ALDOB: variants seen among roughly 807,000 people sequenced by gnomAD.
ALDOB encodes the protein fructose-bisphosphate aldolase B.
In ALDOB, 39 loss-of-function variants were observed where a neutral mutation model predicts 41.0. That is an observed-to-expected ratio of 0.95 (90% CI 0.74 to 1.24). The LOEUF is 1.24. Among genes scored for constraint, ALDOB ranks in the 50% most tolerant of loss-of-function variants. ALDOB has a pLI of 0.00. For synonymous variants in ALDOB, 175 were observed against 168.8 expected (o/e 1.04, Z -0.28); for missense variants, 530 against 457.3 (o/e 1.16, Z -1.45).
chr9:101,424,968 G>T lies in ALDOB; in HGVS notation c.874C>A (p.Leu292Ile). 6.2e-7 allele frequency: 1 copy of T among 1,614,254 alleles called. No individual in the cohort carries two copies. The highest frequency in any genetic ancestry group is 8.5e-7 in the Non-Finnish European group (1 of 1,180,056). ...AAACTTAGTTTCCAGGGCTTTGGTAGAGGGCAAAGGTTGATAGCATTGAGG... is the reference window on the plus strand; with the variant it reads ...AAACTTAGTTTCCAGGGCTTTGGTATAGGGCAAAGGTTGATAGCATTGAGG... Reference protein sequence around the residue: ...LNLNAINLCPLPKPWKLSFSY... With the variant: ...LNLNAINLCPIPKPWKLSFSY... Residue 292 changes from leucine to isoleucine, a missense_variant, in exon 8 of 9, where the codon CTA becomes ATA. By Grantham distance (5) the Leu-to-Ile change is conservative. Transcript: ENST00000647789.
At chr9:101,427,344 A>G in intron 5 of ALDOB, 138 bp downstream of exon 5, 5 of 1,158,018 alleles carry the variant, frequency 4.3e-6, no homozygotes, top group Non-Finnish European at 6.2e-6. Flanking sequence ...TGGCTATAGC[A>G]AAAGTTGTGA....
At chr9:101,428,544 C>T (rs1198293971) in intron 3 of ALDOB, 21 bp from the exon 4 acceptor site, 1 of 1,604,552 alleles carries the variant, frequency 6.2e-7, no homozygotes, top group Admixed American at 1.7e-5. Flanking sequence ...AAATAATTAA[C>T]AGGTGTCAGA....
intron 3 of ALDOB, 103 bp downstream of exon 3, chr9:101,429,652 A>G (rs746960395): frequency 9.2e-5 from 102 of 1,114,516 alleles, no homozygotes; most frequent in Middle Eastern, 8.4e-4. Flanking sequence ...TGAGAAGAGA[A>G]ATTTGATGAG....
At chr9:101,430,488 T>C (rs1311224892) in intron 2 of ALDOB, among the ~76,000 whole-genome samples, 1 of 152,228 alleles carries the variant, frequency 6.6e-6, no homozygotes, top group Non-Finnish European at 1.5e-5. Flanking sequence ...TAGTAGCAGA[T>C]GCCTGTGTAT....
chr9:101,424,656 G>T (rs1263657789), intron 8 of ALDOB, among the ~76,000 whole-genome samples, 187 bp downstream of exon 8: 1 of 152,130 alleles, frequency 6.6e-6, no homozygotes, highest in Non-Finnish European at 1.5e-5. Context: ...ATACTCTAGT[G>T]TGGATAATTC....
chr9:101,431,718 C>T (rs991549824), intron 1 of ALDOB, among the ~76,000 whole-genome samples: 2 of 152,210 alleles, frequency 1.3e-5, no homozygotes, highest in Admixed American at 6.5e-5. Context: ...AAAATGCAAG[C>T]TCAAAGAGCC....
Position 101,420,569 on chromosome 9 carries a change from C to T in ALDOB, c.*1240G>A, listed in dbSNP as rs1004032884. The T allele has an allele frequency of 6.6e-6, 1 of 152,114 alleles. No individual in the cohort carries two copies. The highest frequency in any genetic ancestry group is 1.5e-5 in the Non-Finnish European group (1 of 68,018). The allele number at this position is 152,114 out of a possible 1,614,324, so 9.4% of individuals were successfully genotyped here. ...GTATTATTCAAGGTAAGAAATTTAG[C>T]ATACTACCATCAATATTTTAATTTT... On this transcript the variant is annotated 3_prime_UTR_variant, in exon 9 of 9. Transcript: ENST00000647789.
chr9:101,429,735 G>A lies in ALDOB; in HGVS notation c.324+20C>T. On this transcript the variant is annotated intron_variant, in intron 3 of 8. Coordinates refer to ENST00000647789, the MANE Select transcript of ALDOB (RefSeq NM_000035.4). ...TTGCCTAGGACAAAGCAGAAGTGAG[G>A]TGTGAATGGAGGTGTTCACCTTGAT... 5 of 1,610,546 alleles carry A rather than the reference G, an allele frequency of 3.1e-6. No homozygotes were observed. The highest frequency in any genetic ancestry group is 4.2e-6 in the Non-Finnish European group (5 of 1,176,820).
At chr9:101,434,559 C>T (rs1004654329) in intron 1 of ALDOB, among the ~76,000 whole-genome samples, 3 of 152,184 alleles carry the variant, frequency 2.0e-5, no homozygotes, top group African/African-American at 7.2e-5. Context: ...CCCATGATTT[C>T]TAGGCACTGC....
chr9:101,428,503 A>T lies in ALDOB; in HGVS notation c.345T>A (p.Pro115=), dbSNP rs1292930979. 5 of 1,614,044 alleles carry T rather than the reference A, an allele frequency of 3.1e-6. No individual in the cohort carries two copies. The highest frequency in any genetic ancestry group is 4.2e-6 in the Non-Finnish European group (5 of 1,179,892). Residue 115 remains proline, a synonymous_variant, in exon 4 of 9, where the codon CCT becomes CCA. Transcript: ENST00000647789. Reference sequence around the variant, plus strand: ...TGGTTTCTTTGTTTGTTCCTGCAAGAGGAGCACCTCCTTGGTCTAACTGTG... The same window carrying T: ...TGGTTTCTTTGTTTGTTCCTGCAAGTGGAGCACCTCCTTGGTCTAACTGTG... The part of the protein sequence containing the change: ...VGIKLDQGGA[P]LAGTNKETTI...
Position 101,430,906 on chromosome 9 carries a change from G to A in ALDOB, c.-10-9C>T. On this transcript the variant is annotated splice_polypyrimidine_tract_variant and intron_variant, in intron 1 of 8. Transcript: ENST00000647789. ...GGGCCATGGTGACAGGTCTGGAAAA[G>A]AGTGTGCGAGAGTTGTGCACAGAAC... 6.3e-7 allele frequency: 1 copy of A among 1,577,314 alleles called. No individual in the cohort carries two copies. Among genetic ancestry groups the A allele is most frequent in the South Asian group, 1.1e-5 (1 of 90,300 alleles).
In ALDOB at chr9:101,428,460, T is replaced by A. The variant is rs778567515; in HGVS notation, c.379+9A>T. On this transcript the variant is annotated intron_variant, in intron 4 of 8. Coordinates refer to ENST00000647789, the MANE Select transcript of ALDOB (RefSeq NM_000035.4). ...TGGCATGATTCATCTCAGTGGGCAA[T>A]ATCCTTACCTTGAATGGTGGTTTCT... The A allele has an allele frequency of 6.2e-7, 1 of 1,613,010 alleles. No individual in the cohort carries two copies. The highest frequency in any genetic ancestry group is 8.5e-7 in the Non-Finnish European group (1 of 1,178,962).
rs749861107 is a variant in ALDOB, at chr9:101,427,462, C to T, written c.540+20G>A. On this transcript the variant is annotated intron_variant, in intron 5 of 8. Coordinates refer to ENST00000647789, the MANE Select transcript of ALDOB (RefSeq NM_000035.4). ...AAACTCTAGCCTACTCTTTTTCAGC[C>T]CAAGGGGAAGGCAGAGCACCTGCTG... is the stretch of plus-strand genomic sequence containing the variant. The T allele has an allele frequency of 6.2e-7, 1 of 1,613,986 alleles. No homozygotes were observed. The highest frequency in any genetic ancestry group is 1.1e-5 in the South Asian group (1 of 91,082).
intron 5 of ALDOB, 139 bp from the exon 6 acceptor site, chr9:101,426,777 G>C (rs1039517244): frequency 5.4e-5 from 35 of 652,844 alleles, no homozygotes; most frequent in Non-Finnish European, 9.4e-5. Context: ...AAAGACAGTA[G>C]AATTTTTCAG....
At chr9:101,428,403 C>T (rs1831160895) in intron 4 of ALDOB, 66 bp downstream of exon 4, 1 of 1,473,674 alleles carries the variant, frequency 6.8e-7, no homozygotes, top group Non-Finnish European at 9.5e-7. Flanking sequence ...TCCTTGCTTC[C>T]TTCTTTACTT....
chr9:101,428,537 T>C lies in ALDOB; in HGVS notation c.325-14A>G. 6.2e-7 allele frequency: 1 copy of C among 1,608,960 alleles called. No homozygotes were observed. Among genetic ancestry groups the C allele is most frequent in the Non-Finnish European group, 8.5e-7 (1 of 1,175,230 alleles). On this transcript the variant is annotated splice_polypyrimidine_tract_variant and intron_variant, in intron 3 of 8. Transcript: ENST00000647789. ...TCCTTGGTCTAACTGTGGATACAAA[T>C]AATTAACAGGTGTCAGATGTCAGGA...
Position 101,424,970 on chromosome 9 carries a change from G to T in ALDOB, c.872C>A (p.Pro291His). ...TLNLNAINLCPLPKPWKLSFS... is the reference protein window; with the variant it reads ...TLNLNAINLCHLPKPWKLSFS... The stretch of plus-strand genomic sequence containing the variant: ...ACTTAGTTTCCAGGGCTTTGGTAGA[G>T]GGCAAAGGTTGATAGCATTGAGGTT... Residue 291 changes from proline to histidine, a missense_variant, in exon 8 of 9, where the codon CCT (proline) becomes CAT (histidine). Transcript: ENST00000647789. 6.2e-7 allele frequency: 1 copy of T among 1,614,214 alleles called. No individual in the cohort carries two copies. Among genetic ancestry groups the T allele is most frequent in the East Asian group, 2.2e-5 (1 of 44,870 alleles).
intron 8 of ALDOB, among the ~76,000 whole-genome samples, chr9:101,422,247 A>G (rs1477485272): frequency 6.6e-6 from 1 of 152,236 alleles, no homozygotes; most frequent in Non-Finnish European, 1.5e-5. Context: ...TGTTTATTTT[A>G]AAAACATTTC....
Position 101,424,915 on chromosome 9 carries a change from A to C in ALDOB, c.927T>G (p.Ser309Arg), listed in dbSNP as rs1279118299. The C allele has an allele frequency of 1.9e-6, 3 of 1,614,138 alleles. No individual in the cohort carries two copies. The highest frequency in any genetic ancestry group is 2.5e-6 in the Non-Finnish European group (3 of 1,180,028). Residue 309 changes from serine (S) to arginine (R), a missense_variant, in exon 8 of 9, where the codon AGT becomes AGG. By Grantham distance (110) the Ser-to-Arg change is moderately radical. Transcript: ENST00000647789. ...CCTTGCCACCCCAGGCAGCCAGTGC[A>C]CTGGCCTGCAGGGCCCGTCCATAAG... ...SFSYGRALQA[S>R]ALAAWGGKAA...
Sources: allele counts gnomAD v4.1 joint callset (sites outside exome capture counted in the v4.1 genomes callset), GRCh38; gene constraint gnomAD v4.1.1; transcripts MANE v1.5; gene names NCBI Gene and HGNC (gene_info 2026-07-23, HGNC 2026-07-21).